The following ZNF709 variants were observed in gnomAD, a reference collection of about 807,000 sequenced individuals.
ZNF709 encodes zinc finger protein 709.
In ZNF709, 15 loss-of-function variants were observed where a neutral mutation model predicts 10.6. That is an observed-to-expected ratio of 1.41 (90% CI 0.95 to 2.18). ZNF709 has a LOEUF of 2.18. Among genes scored for constraint, ZNF709 ranks in the 30% most tolerant of loss-of-function variants. The pLI is 0.00. For synonymous variants in ZNF709, 194 were observed against 238.8 expected (o/e 0.81, Z 1.73); for missense variants, 589 against 774.0 (o/e 0.76, Z 2.84).
At chr19:12,484,582 A>G in intron 1 of ZNF709, 73 bp downstream of exon 1, 2 of 1,582,578 alleles carry the variant, frequency 1.3e-6, no homozygotes. Flanking sequence ...CCTGGGTCCC[A>G]CCACAGCCAG....
chr19:12,467,826 G>A (rs910955949), intron 1 of ZNF709, among the ~76,000 whole-genome samples: 4 of 151,046 alleles, frequency 2.6e-5, no homozygotes, highest in African/African-American at 9.7e-5. Flanking sequence ...GCCTCTGCCC[G>A]GCCGCAACCC....
intron 1 of ZNF709, among the ~76,000 whole-genome samples, chr19:12,478,095 C>T (rs1474012515): frequency 6.6e-6 from 1 of 152,152 alleles, no homozygotes; most frequent in Non-Finnish European, 1.5e-5. Flanking sequence ...ACTTAAGGGT[C>T]CTTGGGAGCC....
Position 12,462,376 on chromosome 19 carries a change from T to C in ZNF709, c.*1620A>G, listed in dbSNP as rs796696328. 22 of 152,312 alleles carry C rather than the reference T, an allele frequency of 1.4e-4. No homozygotes were observed. Among genetic ancestry groups the C allele is most frequent in the African/African-American group, 3.4e-4 (14 of 41,570 alleles). The allele number at this position is 152,312 out of a possible 1,614,324, so 9.4% of individuals were successfully genotyped here. On this transcript the variant is annotated 3_prime_UTR_variant, in exon 4 of 4. Transcript: ENST00000397732. Reference sequence around the variant, plus strand: ...ATAAAAGGTTAGATTATAGAAAACATAGGTCACAACATAACCCATGTTAAC... The same window carrying C: ...ATAAAAGGTTAGATTATAGAAAACACAGGTCACAACATAACCCATGTTAAC...
chr19:12,461,931 G>A lies in ZNF709; in HGVS notation c.*2065C>T, dbSNP rs1364602125. On this transcript the variant is annotated 3_prime_UTR_variant, in exon 4 of 4. Transcript: ENST00000397732. ...AAAAATACAAAAAAAATTTAGCTGG[G>A]CTTGGTGGTGGGCACCTATAATCCC... 5.3e-5 allele frequency: 8 copies of A among 152,242 alleles called. No individual in the cohort carries two copies. Among genetic ancestry groups the A allele is most frequent in the African/African-American group, 1.9e-4 (8 of 41,432 alleles). The allele number at this position is 152,242 out of a possible 1,614,324, so 9.4% of individuals were successfully genotyped here.
At chr19:12,467,272 C>G (rs536838542) in intron 1 of ZNF709, among the ~76,000 whole-genome samples, 24 of 152,194 alleles carry the variant, frequency 1.6e-4, no homozygotes, top group South Asian at 6.2e-4. Context: ...CGAGTGCCTG[C>G]GATTGCAGGC....
At chr19:12,468,474 G>T (rs1398950799) in intron 1 of ZNF709, among the ~76,000 whole-genome samples, 7 of 151,834 alleles carry the variant, frequency 4.6e-5, no homozygotes, top group African/African-American at 1.5e-4. Context: ...ATGTGCTTTG[G>T]TAAACAGATG....
At chr19:12,469,166 A>G (rs922454839) in intron 1 of ZNF709, among the ~76,000 whole-genome samples, 1 of 152,120 alleles carries the variant, frequency 6.6e-6, no homozygotes, top group African/African-American at 2.4e-5. Context: ...ATAAGTATAT[A>G]CTGAAGAACT....
At chr19:12,466,667 T>G (rs781495161) in intron 2 of ZNF709, 57 bp downstream of exon 2, 44 of 1,613,072 alleles carry the variant, frequency 2.7e-5, no homozygotes, top group Non-Finnish European at 3.6e-5. Context: ...ACCTTGCTGA[T>G]GAGCAAGAAA....
rs746469752 is a variant in ZNF709, at chr19:12,463,999, C to T, written c.1923G>A (p.Glu641=). Residue 641 remains glutamate (E), a synonymous_variant, in exon 4 of 4, where the codon GAG becomes GAA. Coordinates refer to ENST00000397732, the MANE Select transcript of ZNF709 (RefSeq NM_152601.4). The part of the protein sequence containing the change: ...FRIHERVHSG[E] ...CATATTGCTTATATACATAGGGTTA[C>T]TCTCCACTATGAACTCTTTCATGTA... 5.5e-6 allele frequency: 8 copies of T among 1,449,592 alleles called. No homozygotes were observed. The highest frequency in any genetic ancestry group is 7.3e-6 in the Non-Finnish European group (8 of 1,097,060). 89.8% of individuals were successfully genotyped at this position (1,449,592 alleles called of 1,614,324 possible).
At chr19:12,471,856 C>A (rs1473810677) in intron 1 of ZNF709, among the ~76,000 whole-genome samples, 1 of 152,026 alleles carries the variant, frequency 6.6e-6, no homozygotes, top group African/African-American at 2.4e-5. Flanking sequence ...AAGTCACAGG[C>A]AAACTTTTTT....
rs1555693350 is a variant in ZNF709 at position 12,461,913 on chromosome 19, C to T, written c.*2083G>A. Reference sequence around the variant, plus strand: ...TGAAACCCTGTCTCTACTAAAAATACAAAAAAAATTTAGCTGGGCTTGGTG... The same window carrying T: ...TGAAACCCTGTCTCTACTAAAAATATAAAAAAAATTTAGCTGGGCTTGGTG... On this transcript the variant is annotated 3_prime_UTR_variant, in exon 4 of 4. Transcript: ENST00000397732. The T allele has an allele frequency of 6.6e-6, 1 of 151,750 alleles. No individual in the cohort carries two copies. Among genetic ancestry groups the T allele is most frequent in the Non-Finnish European group, 1.5e-5 (1 of 67,956 alleles). 9.4% of individuals were successfully genotyped at this position (151,750 alleles called of 1,614,324 possible).
chr19:12,482,773 A>G (rs1030563584), intron 1 of ZNF709, among the ~76,000 whole-genome samples: 1 of 152,068 alleles, frequency 6.6e-6, no homozygotes, highest in African/African-American at 2.4e-5. Context: ...GGCTCCTTCC[A>G]CAGTAGGTAT....
chr19:12,479,748 T>C (rs1306880640), intron 1 of ZNF709, among the ~76,000 whole-genome samples: 1 of 152,162 alleles, frequency 6.6e-6, no homozygotes, highest in Non-Finnish European at 1.5e-5. Context: ...TGCACGCATG[T>C]AGTCCCAGCT....
chr19:12,480,527 C>T (rs896038525), intron 1 of ZNF709, among the ~76,000 whole-genome samples: 8 of 151,984 alleles, frequency 5.3e-5, no homozygotes, highest in Non-Finnish European at 1.2e-4. Flanking sequence ...ACTAAAAATA[C>T]AAAAAATTAT....
Position 12,464,708 on chromosome 19 carries a change from C to A in ZNF709, c.1214G>T (p.Ser405Ile). Residue 405 changes from serine to isoleucine, a missense_variant, in exon 4 of 4, where the codon AGT (serine) becomes ATT (isoleucine). Transcript: ENST00000397732. ...KQCGKAFSCS[S>I]SFRMHERTHT... ...AGTTCTTTCATGCATTCGAAAGGAA[C>A]TGGAACAACTGAAGGCTTTACCACA... 1 of 1,613,750 alleles carries A rather than the reference C, an allele frequency of 6.2e-7. No individual in the cohort carries two copies. Among genetic ancestry groups the A allele is most frequent in the Non-Finnish European group, 8.5e-7 (1 of 1,179,892 alleles).
chr19:12,474,556 G>A (rs1032497537), intron 1 of ZNF709, among the ~76,000 whole-genome samples: 1 of 152,126 alleles, frequency 6.6e-6, no homozygotes, highest in Non-Finnish European at 1.5e-5. Context: ...GCAGAGTGCT[G>A]GATCATGTAG....
intron 1 of ZNF709, chr19:12,481,173 C>T (rs555602126): frequency 4.1e-6 from 4 of 984,604 alleles, no homozygotes; most frequent in Non-Finnish European, 4.8e-6. Context: ...ATACATTCAT[C>T]TCTTATCTTG....
At chr19:12,475,794 T>C (rs757960931) in intron 1 of ZNF709, among the ~76,000 whole-genome samples, 11 of 152,166 alleles carry the variant, frequency 7.2e-5, no homozygotes, top group Admixed American at 1.3e-4. Flanking sequence ...GACATGATTG[T>C]CTAAGTAGAA....
chr19:12,484,650 C>G lies in ZNF709; in HGVS notation c.3+5G>C, dbSNP rs762338501. On this transcript the variant is annotated splice_donor_5th_base_variant and intron_variant, in intron 1 of 3. Transcript: ENST00000397732. ...ATCTCAAGACCCCCAGCCCCGCACA[C>G]TTACCATTTCCCAGACTCTGGGATG... 1 of 1,614,078 alleles carries G rather than the reference C, an allele frequency of 6.2e-7. No individual in the cohort carries two copies.
Sources: gnomAD v4.1 joint callset for allele counts (sites outside exome capture counted in the v4.1 genomes callset) on GRCh38, gnomAD v4.1.1 for gene constraint, MANE v1.5 for transcripts, NCBI Gene and HGNC (gene_info 2026-07-23, HGNC 2026-07-21) for gene names.